Variants in CLUH observed in about 807,000 individuals in gnomAD.
CLUH encodes clustered mitochondria protein homolog.
In CLUH, 77 loss-of-function variants were observed where a neutral mutation model predicts 139.3. That is an observed-to-expected ratio of 0.55 (90% CI 0.46 to 0.67). The LOEUF is 0.67. Among genes scored for constraint, CLUH ranks in the 30% least tolerant of loss-of-function variants. The pLI is 0.00. For missense variants in CLUH, 1,876 were observed against 1,875.8 expected (o/e 1.00, Z 0.00); for synonymous variants, 999 against 801.6 (o/e 1.25, Z -4.16).
At chr17:2,696,119 T>C (rs1287955856) in intron 13 of CLUH, 40 bp downstream of exon 13, 10 of 1,483,974 alleles carry the variant, frequency 6.7e-6, no homozygotes, top group Non-Finnish European at 8.3e-6. Flanking sequence ...ACCAGCACCC[T>C]CCACACAAGC....
At chr17:2,700,928 C>G (rs1192549392) in intron 7 of CLUH, 103 bp from the exon 8 acceptor site, 2 of 1,445,908 alleles carry the variant, frequency 1.4e-6, no homozygotes, top group East Asian at 2.4e-5. Flanking sequence ...ATCTCCCACC[C>G]TGAGACACTG....
intron 1 of CLUH, among the ~76,000 whole-genome samples, chr17:2,710,321 C>T (rs2070475039): frequency 6.6e-6 from 1 of 152,242 alleles, no homozygotes; most frequent in African/African-American, 2.4e-5. Flanking sequence ...CTGCCCAAAC[C>T]TTGGCCTTGT....
Position 2,711,732 on chromosome 17 carries a change from C to A in CLUH, c.-71G>T. On this transcript the variant is annotated 5_prime_UTR_variant, in exon 1 of 26. Transcript: ENST00000651024. ...GCGCCACTAACCCAAGTGCCCTGCG[C>A]GCCGCGGCTGCTGAGGGAAGGACGG... 1.6e-6 allele frequency: 1 copy of A among 643,032 alleles called. No homozygotes were observed. Among genetic ancestry groups the A allele is most frequent in the Non-Finnish European group, 1.9e-6 (1 of 517,392 alleles). The allele number at this position is 643,032 out of a possible 1,614,324, so 39.8% of individuals were successfully genotyped here.
chr17:2,708,447 G>A (rs759117903), intron 1 of CLUH, among the ~76,000 whole-genome samples: 4 of 151,984 alleles, frequency 2.6e-5, no homozygotes, highest in Non-Finnish European at 4.4e-5. Context: ...CAGGACTCAC[G>A]CTAGGCCCAG....
In CLUH at chr17:2,691,772, G is replaced by C; in HGVS notation, c.3778C>G (p.Pro1260Ala). 6.3e-7 allele frequency: 1 copy of C among 1,594,822 alleles called. No homozygotes were observed. Among genetic ancestry groups the C allele is most frequent in the Non-Finnish European group, 8.5e-7 (1 of 1,171,348 alleles). The change falls in exon 24 of 26, where the codon CCG becomes GCG. Residue 1260 changes from proline (P) to alanine (A), a missense_variant. Physicochemically the swap from Pro to Ala is conservative, Grantham distance 27. This residue lies in a region of CLUH where 1,454 missense variants were observed against 1,384.4 expected (regional missense o/e 1.05). Transcript: ENST00000651024. ...IYRNGSSANI[P>A]PLKFTAPSMA... Reference sequence around the variant, plus strand: ...CGCCCCGGACTCACCTTGAGGGGCGGGATGTTGGCGCTGGAGCCGTTGCGG... The same window carrying C: ...CGCCCCGGACTCACCTTGAGGGGCGCGATGTTGGCGCTGGAGCCGTTGCGG...
At chr17:2,695,745 A>T (rs549943090) in intron 13 of CLUH, 1 of 642,526 alleles carries the variant, frequency 1.6e-6, no homozygotes, top group African/African-American at 1.8e-5. Context: ...CATGTGGGAG[A>T]AGCAGAGGTG....
At chr17:2,691,946 C>CCCCCGCCCCCG (rs2069670557) in intron 23 of CLUH, 51 bp from the exon 24 acceptor site, 2 of 1,184,212 alleles carry the variant, frequency 1.7e-6, no homozygotes, top group African/African-American at 4.0e-5. Context: ...CGCGGCCCCG[C>CCCCCGCCCCCG]CCCCGCCCCG....
chr17:2,695,631 C>G, intron 13 of CLUH, 105 bp from the exon 14 acceptor site: 2 of 1,379,286 alleles, frequency 1.5e-6, no homozygotes, highest in Non-Finnish European at 1.9e-6. Context: ...GAGAAGGACC[C>G]CGAAGGCTCC....
chr17:2,701,637 C>G lies in CLUH; in HGVS notation c.720G>C (p.Leu240=), dbSNP rs944888991. The change falls in exon 5 of 26, where the codon CTG becomes CTC. Residue 240 remains leucine (L), a synonymous_variant. Transcript: ENST00000651024. ...PGSRERPLCP[L]QPQNRDWKPL... ...CCTTCCAGTCACGGTTTTGGGGCTGCAGGGGACACAGTGGCCGCTCCCGGC... is the reference window on the plus strand; with the variant it reads ...CCTTCCAGTCACGGTTTTGGGGCTGGAGGGGACACAGTGGCCGCTCCCGGC... 3.7e-6 allele frequency: 6 copies of G among 1,607,348 alleles called. No homozygotes were observed. The African/African-American group carries it at 8.0e-5, about 21-fold the overall frequency.
chr17:2,698,381 A>G lies in CLUH; in HGVS notation c.1476T>C (p.Asn492=), dbSNP rs2151707601. ...AAYVAPTNDL[N]GVRTYNAVDV... The stretch of plus-strand genomic sequence containing the variant: ...CCACCGCGTTGTACGTGCGGACGCC[A>G]TTCAGGTCGTTGGTGGGCGCCACGT... The change falls in exon 10 of 26, where the codon AAT becomes AAC. Residue 492 remains asparagine (N), a synonymous_variant. Coordinates refer to ENST00000651024, the MANE Select transcript of CLUH (RefSeq NM_001366661.1). The G allele has an allele frequency of 6.2e-7, 1 of 1,612,834 alleles. No homozygotes were observed.
intron 25 of CLUH, 40 bp from the exon 26 acceptor site, chr17:2,690,817 G>A (rs752772173): frequency 2.0e-5 from 29 of 1,422,876 alleles, no homozygotes; most frequent in East Asian, 1.3e-4. Flanking sequence ...TCTCAGAGGA[G>A]TCCTGGGGGC....
chr17:2,705,801 C>G (rs943631107), intron 1 of CLUH, among the ~76,000 whole-genome samples: 11 of 152,208 alleles, frequency 7.2e-5, no homozygotes, highest in South Asian at 2.1e-4. Context: ...AGCACCCAAT[C>G]CACATGCTCC....
intron 1 of CLUH, among the ~76,000 whole-genome samples, chr17:2,710,802 G>A (rs1304664817): frequency 6.6e-6 from 1 of 152,196 alleles, no homozygotes; most frequent in East Asian, 1.9e-4. Flanking sequence ...AACGACCTTT[G>A]CCTTAAAAAC....
At chr17:2,702,195 T>C (rs1431698762) in intron 3 of CLUH, 138 bp from the exon 4 acceptor site, 5 of 1,012,240 alleles carry the variant, frequency 4.9e-6, no homozygotes, top group Admixed American at 2.5e-5. Flanking sequence ...CAAATTCCAC[T>C]GTGAACACAT....
At chr17:2,709,930 C>G (rs1175821586) in intron 1 of CLUH, among the ~76,000 whole-genome samples, 1 of 152,182 alleles carries the variant, frequency 6.6e-6, no homozygotes, top group Non-Finnish European at 1.5e-5. Context: ...TAGCTGTGCC[C>G]TTCCCTGACT....
chr17:2,697,571 C>A (rs901245043), intron 10 of CLUH, among the ~76,000 whole-genome samples: 1 of 152,180 alleles, frequency 6.6e-6, no homozygotes, highest in Non-Finnish European at 1.5e-5. Flanking sequence ...TAAACACCAG[C>A]GGCGGGGACC....
rs370403926 is a variant in CLUH at position 2,694,852 on chromosome 17, C to A, written c.2852+5G>T. The A allele has an allele frequency of 3.3e-6, 5 of 1,502,450 alleles. No homozygotes were observed. Among genetic ancestry groups the A allele is most frequent in the Middle Eastern group, 1.8e-4 (1 of 5,654 alleles). 93.1% of individuals were successfully genotyped at this position (1,502,450 alleles called of 1,614,324 possible). A position where few individuals can be genotyped will look rare whatever the true frequency, so the allele number is the denominator to read the frequency against. The stretch of plus-strand genomic sequence containing the variant: ...CCCACCCCACCGCCCCTGCCCCGCA[C>A]GCACCACTCGAGGTCGAAGTCAAAG... On this transcript the variant is annotated splice_donor_5th_base_variant and intron_variant, in intron 16 of 25. Transcript: ENST00000651024.
At position 2,704,320 on chromosome 17, in the gene CLUH, C is replaced by T; in HGVS notation, c.303+42G>A. The T allele has an allele frequency of 6.3e-7, 1 of 1,577,148 alleles. No individual in the cohort carries two copies. The highest frequency in any genetic ancestry group is 8.6e-7 in the Non-Finnish European group (1 of 1,158,832). On this transcript the variant is annotated intron_variant, in intron 2 of 25. Coordinates refer to ENST00000651024, the MANE Select transcript of CLUH (RefSeq NM_001366661.1). The surrounding 1 kb of genome is among the most constrained non-coding windows in gnomAD (Gnocchi z 5.7). ...GAGCTTTCCAGCTCACCCTCCCCAG[C>T]AGGCTCAGGCCTGGCCCCCAGCACC...
rs1468883716 is a variant in CLUH, at chr17:2,703,095, G to C, written c.475+223C>G. Among the ~76,000 whole-genome samples, 2 of 152,140 alleles carry C rather than the reference G, an allele frequency of 1.3e-5. No individual in the cohort carries two copies. Among genetic ancestry groups the C allele is most frequent in the East Asian group, 1.9e-4 (1 of 5,180 alleles). On this transcript the variant is annotated intron_variant, in intron 3 of 25. Transcript: ENST00000651024. The surrounding 1 kb of genome is among the most constrained non-coding windows in gnomAD (Gnocchi z 4.2). ...CACGCCTTGGCCTCCCAAAGTGTTGGGATTACAGGCGTGAGCCACCATGCC... is the reference window on the plus strand; with the variant it reads ...CACGCCTTGGCCTCCCAAAGTGTTGCGATTACAGGCGTGAGCCACCATGCC...
Sources: gnomAD v4.1 joint callset for allele counts (sites outside exome capture counted in the v4.1 genomes callset) on GRCh38, gnomAD v4.1.1 for gene constraint, gnomAD v4.1.1 regional missense constraint, Gnocchi (gnomAD v3.1) non-coding constraint, MANE v1.5 for transcripts, NCBI Gene and HGNC (gene_info 2026-07-23, HGNC 2026-07-21) for gene names.